The following COG4 variants were observed in gnomAD, a reference collection of about 807,000 sequenced individuals.
The protein encoded by COG4 is conserved oligomeric Golgi complex subunit 4.
A neutral mutation model predicts 95.1 loss-of-function variants in COG4; 65 were observed. The ratio of observed to expected loss-of-function variants is 0.68; its 90% CI spans 0.56 to 0.84. The LOEUF is 0.84. COG4 is among the 40% of genes least tolerant of loss of function. COG4 has a pLI of 0.00. For synonymous variants in COG4, 421 were observed against 374.8 expected (o/e 1.12, Z -1.42); for missense variants, 1,045 against 989.1 (o/e 1.06, Z -0.76).
intron 9 of COG4, among the ~76,000 whole-genome samples, chr16:70,500,086 G>A (rs537933838): frequency 1.3e-5 from 2 of 151,388 alleles, no homozygotes; most frequent in South Asian, 4.2e-4. Flanking sequence ...CTTCCTCCTC[G>A]GCCTCCCAAA....
chr16:70,519,535 C>A, intron 2 of COG4, 114 bp downstream of exon 2: 1 of 751,090 alleles, frequency 1.3e-6, no homozygotes, highest in Non-Finnish European at 2.4e-6. Context: ...GAGATAATAC[C>A]CTTTACATTT....
At position 70,480,643 on chromosome 16, in the gene COG4, G is replaced by A; in HGVS notation, c.*367C>T. On this transcript the variant is annotated 3_prime_UTR_variant, in exon 19 of 19. Coordinates refer to ENST00000323786, the MANE Select transcript of COG4 (RefSeq NM_015386.3). ...CCTCAAAGTCAAGCCTAACTGCTAGGTCCCCAGATGTACCCAAGTTGTCTA... is the reference window on the plus strand; with the variant it reads ...CCTCAAAGTCAAGCCTAACTGCTAGATCCCCAGATGTACCCAAGTTGTCTA... The A allele has an allele frequency of 3.2e-6, 1 of 309,164 alleles. No individual in the cohort carries two copies. The highest frequency in any genetic ancestry group is 3.4e-5 in the South Asian group (1 of 29,318). 19.2% of individuals were successfully genotyped at this position (309,164 alleles called of 1,614,324 possible).
chr16:70,515,561 G>A (rs2049804028), intron 3 of COG4, among the ~76,000 whole-genome samples: 1 of 152,116 alleles, frequency 6.6e-6, no homozygotes, highest in Non-Finnish European at 1.5e-5. Flanking sequence ...GCGCATGCCT[G>A]TAATCCCAGC....
chr16:70,486,594 T>C (rs1338403233), intron 13 of COG4, among the ~76,000 whole-genome samples: 2 of 152,238 alleles, frequency 1.3e-5, no homozygotes, highest in African/African-American at 4.8e-5. Context: ...TGGCTAATTC[T>C]ACCAGCTCAC....
At position 70,509,930 on chromosome 16, in the gene COG4, G is replaced by A; in HGVS notation, c.830C>T (p.Thr277Ile). 2 of 1,613,520 alleles carry A rather than the reference G, an allele frequency of 1.2e-6. No individual in the cohort carries two copies. The highest frequency in any genetic ancestry group is 1.1e-5 in the South Asian group (1 of 91,070). ...RAAVIFADTL[T>I]LLFEGIARIV... ...AAGAGGCTCACCTTCAAACAGAAGA[G>A]TAAGTGTATCTGCAAAGATGACTGC... Residue 277 changes from threonine (T) to isoleucine (I), a missense_variant, in exon 6 of 19, where the codon ACT (threonine) becomes ATT (isoleucine). Physicochemically the swap from Thr to Ile is moderately conservative, Grantham distance 89. Transcript: ENST00000323786.
intron 2 of COG4, 89 bp downstream of exon 2, chr16:70,519,560 G>T: frequency 1.1e-6 from 1 of 897,024 alleles, no homozygotes; most frequent in Non-Finnish European, 1.8e-6. Flanking sequence ...CTGAACTGGT[G>T]TTTATAACAG....
At position 70,481,446 on chromosome 16, in the gene COG4, A is replaced by C; in HGVS notation, c.2148T>G (p.Ile716Met). ...AGGTGGTCACCGTGGTAAGGTAGGC[A>C]ATGAGCGACCTCAGCTCCTTGTCAA... is the stretch of plus-strand genomic sequence containing the variant. The part of the protein sequence containing the change: ...LQFDKELRSL[I>M]AYLTTVTTWT... The change falls in exon 18 of 19, where the codon ATT (isoleucine) becomes ATG (methionine). Residue 716 changes from isoleucine to methionine, a missense_variant. Physicochemically the swap from Ile to Met is conservative, Grantham distance 10 (BLOSUM62 1). Coordinates refer to ENST00000323786, the MANE Select transcript of COG4 (RefSeq NM_015386.3). 6.2e-7 allele frequency: 1 copy of C among 1,613,078 alleles called. No individual in the cohort carries two copies. Among genetic ancestry groups the C allele is most frequent in the Non-Finnish European group, 8.5e-7 (1 of 1,179,958 alleles).
intron 13 of COG4, among the ~76,000 whole-genome samples, chr16:70,488,879 C>CTTATT (rs2049188129): frequency 6.6e-6 from 1 of 152,168 alleles, no homozygotes; most frequent in Admixed American, 6.5e-5. Context: ...ACTGTTAATA[C>CTTATT]AACTAATAAG....
intron 13 of COG4, 62 bp from the exon 14 acceptor site, chr16:70,484,031 C>T: frequency 8.2e-7 from 1 of 1,220,216 alleles, no homozygotes; most frequent in Non-Finnish European, 1.2e-6. Flanking sequence ...TGTGAGGAGC[C>T]ACCAGCCAGT....
rs1567725270 is a variant in COG4, at chr16:70,490,166, C to T, written c.1710+164G>A. The stretch of plus-strand genomic sequence containing the variant: ...ATCTTCCAACTCCTGAGCTTTTCTC[C>T]CTGGTCCAAGGATGCCTTGCTATCA... On this transcript the variant is annotated intron_variant, in intron 13 of 18. Coordinates refer to ENST00000323786, the MANE Select transcript of COG4 (RefSeq NM_015386.3). 2.6e-5 allele frequency among the ~76,000 whole-genome samples: 4 copies of T among 152,132 alleles called. No homozygotes were observed. The South Asian group carries it at 6.2e-4, about 24-fold the overall frequency.
At chr16:70,522,835 AT>A (rs569574849) in intron 1 of COG4, among the ~76,000 whole-genome samples, 92 of 152,328 alleles carry the variant, frequency 6.0e-4, no homozygotes, top group Middle Eastern at 6.8e-3. Context: ...CTTGTCCAAG[AT>A]TAGAGAATTG....
At chr16:70,500,663 T>C (rs966287388) in intron 9 of COG4, among the ~76,000 whole-genome samples, 1 of 152,146 alleles carries the variant, frequency 6.6e-6, no homozygotes, top group Non-Finnish European at 1.5e-5. Context: ...ACCTGGCCTA[T>C]GTACTCTTTA....
chr16:70,507,321 C>T (rs193027228), intron 8 of COG4, among the ~76,000 whole-genome samples: 1 of 151,964 alleles, frequency 6.6e-6, no homozygotes, highest in African/African-American at 2.4e-5. Flanking sequence ...TAATATTATA[C>T]CTTTTCTATG....
chr16:70,497,102 C>T (rs1464509425), intron 11 of COG4, 119 bp downstream of exon 11: 3 of 1,003,364 alleles, frequency 3.0e-6, no homozygotes, highest in South Asian at 1.3e-5. Context: ...GGGATAGGAG[C>T]TGATGTCCTG....
chr16:70,481,340 C>T lies in COG4; in HGVS notation c.2235+19G>A, dbSNP rs752944574. 3 of 1,611,484 alleles carry T rather than the reference C, an allele frequency of 1.9e-6. No individual in the cohort carries two copies. The highest frequency in any genetic ancestry group is 3.3e-5 in the Admixed American group (2 of 60,004). Reference sequence around the variant, plus strand: ...TTTCAGTCACCCCTCCCTGGCTGGGCCAAGGGTGCCCCACCTACCCGCTCC... The same window carrying T: ...TTTCAGTCACCCCTCCCTGGCTGGGTCAAGGGTGCCCCACCTACCCGCTCC... On this transcript the variant is annotated intron_variant, in intron 18 of 18. Coordinates refer to ENST00000323786, the MANE Select transcript of COG4 (RefSeq NM_015386.3).
chr16:70,506,397 C>G (rs1347329623), intron 8 of COG4, among the ~76,000 whole-genome samples: 1 of 149,934 alleles, frequency 6.7e-6, no homozygotes, highest in Admixed American at 6.7e-5. Flanking sequence ...AGCGAGACTC[C>G]GTCTAAATTA....
At position 70,482,601 on chromosome 16, in the gene COG4, G is replaced by A. The variant is rs548997438; in HGVS notation, c.1920+128C>T. 13 of 764,916 alleles carry A rather than the reference G, an allele frequency of 1.7e-5. No individual in the cohort carries two copies. In the Admixed American group the frequency reaches 1.8e-4, roughly 11 times the overall value. The allele number at this position is 764,916 out of a possible 1,614,324, so 47.4% of individuals were successfully genotyped here. A position where few individuals can be genotyped will look rare whatever the true frequency, so the allele number is the denominator to read the frequency against. On this transcript the variant is annotated intron_variant, in intron 15 of 18. Coordinates refer to ENST00000323786, the MANE Select transcript of COG4 (RefSeq NM_015386.3). The stretch of plus-strand genomic sequence containing the variant: ...CCTGGGAGGAACCTAGTCTTCATGG[G>A]TCAGGGTGGGGGAAGTGGGCCTGGG...
rs766214546 is a variant in COG4, at chr16:70,497,206, G to C, written c.1481+15C>G. 1.9e-6 allele frequency: 3 copies of C among 1,613,420 alleles called. No homozygotes were observed. Among genetic ancestry groups the C allele is most frequent in the Non-Finnish European group, 2.5e-6 (3 of 1,179,384 alleles). Reference sequence around the variant, plus strand: ...GGCCTTTCTGCCTAGAAAGGAGAAAGGGAGTCAACTGTACCTGAAGTCAGA... The same window carrying C: ...GGCCTTTCTGCCTAGAAAGGAGAAACGGAGTCAACTGTACCTGAAGTCAGA... On this transcript the variant is annotated intron_variant, in intron 11 of 18. Coordinates refer to ENST00000323786, the MANE Select transcript of COG4 (RefSeq NM_015386.3).
At chr16:70,520,917 T>C (rs2049928672) in intron 1 of COG4, among the ~76,000 whole-genome samples, 3 of 152,180 alleles carry the variant, frequency 2.0e-5, no homozygotes, top group South Asian at 4.1e-4. Flanking sequence ...GTGCTTAACA[T>C]GGTATGTGGC....
Sources: gnomAD v4.1 joint callset for allele counts (sites outside exome capture counted in the v4.1 genomes callset) on GRCh38, gnomAD v4.1.1 for gene constraint, MANE v1.5 for transcripts, NCBI Gene and HGNC (gene_info 2026-07-23, HGNC 2026-07-21) for gene names.